SEMA3A: variants seen among roughly 807,000 people sequenced by gnomAD.
The protein encoded by SEMA3A is semaphorin 3A, also known as semaphorin-3A.
In SEMA3A, 29 loss-of-function variants were observed where a neutral mutation model predicts 97.9. The observed-to-expected ratio is 0.30, with a 90% CI of 0.22 to 0.40. SEMA3A has a LOEUF of 0.40. Among genes scored for constraint, SEMA3A ranks in the 10% least tolerant of loss-of-function variants. The pLI, the probability that SEMA3A is intolerant of heterozygous loss-of-function variation, is 1.00. For missense variants in SEMA3A, 763 were observed against 951.3 expected, an observed-to-expected ratio of 0.80 and a Z score of 2.60; for synonymous variants, 321 against 323.7, an observed-to-expected ratio of 0.99 and a Z score of 0.09.
rs190064541 is a variant in SEMA3A, at chr7:83,995,613, G to A, written c.1452+6342C>T. Among the ~76,000 whole-genome samples the A allele has an allele frequency of 2.9e-4, 44 of 152,268 alleles. 1 individual carries two copies. The highest frequency in any genetic ancestry group is 2.4e-3 in the Admixed American group (37 of 15,298). ...GGGATTTTTTTCTGAGAAATAGCAGGTAGTGAATATGACTTCCATTTAAAA... is the reference window on the plus strand; with the variant it reads ...GGGATTTTTTTCTGAGAAATAGCAGATAGTGAATATGACTTCCATTTAAAA... On this transcript the variant is annotated intron_variant, in intron 12 of 16. Transcript: ENST00000265362.
intron 4 of SEMA3A, among the ~76,000 whole-genome samples, chr7:84,064,997 A>G (rs1793421334): frequency 6.6e-6 from 1 of 152,222 alleles, no homozygotes; most frequent in Non-Finnish European, 1.5e-5. Flanking sequence ...CACCTATTCC[A>G]AAATTGACCA....
intron 4 of SEMA3A, among the ~76,000 whole-genome samples, chr7:84,095,358 C>CACACACATATATATAT (rs1211794166): frequency 3.7e-4 from 45 of 122,884 alleles, no homozygotes; most frequent in African/African-American, 1.5e-3. Flanking sequence ...TTTTTATATA[C>CACACACATATATATAT]ATATATATAT....
intron 5 of SEMA3A, among the ~76,000 whole-genome samples, chr7:84,053,734 T>C (rs554037882): frequency 2.0e-5 from 3 of 149,950 alleles, no homozygotes; most frequent in South Asian, 4.3e-4. Flanking sequence ...TATTGTTATG[T>C]GTGAATTTGA....
chr7:83,987,548 A>G (rs1421754022), intron 12 of SEMA3A, among the ~76,000 whole-genome samples: 1 of 152,166 alleles, frequency 6.6e-6, no homozygotes, highest in South Asian at 2.1e-4. Context: ...GTGTCTTTCC[A>G]ATTGCCTCTC....
At chr7:84,217,507 T>C (rs1287395835) in intron 3 of SEMA3A, among the ~76,000 whole-genome samples, 1 of 152,188 alleles carries the variant, frequency 6.6e-6, no homozygotes, top group African/African-American at 2.4e-5. Flanking sequence ...TATGGCTTAC[T>C]AAATCTACCA....
At position 84,429,516 on chromosome 7, in the gene SEMA3A, T is replaced by TTTTATATATATATATATATATATATA. The variant is rs1554385260; in HGVS notation, c.-245-57617_-245-57616insTATATATATATATATATATATATAAA. 1.5e-3 allele frequency among the ~76,000 whole-genome samples: 105 copies of TTTTATATATATATATATATATATATA among 72,362 alleles called. 10 individuals carry two copies. Among genetic ancestry groups the TTTTATATATATATATATATATATATA allele is most frequent in the African/African-American group, 4.8e-3 (68 of 14,108 alleles). 47.5% of individuals were successfully genotyped at this position (72,362 alleles called of 152,430 possible). Reference sequence around the variant, plus strand: ...TTGCATTAGTAAAATATAGAGTTTGTTATATATATATATATATATATATAT... The same window carrying TTTTATATATATATATATATATATATA: ...TTGCATTAGTAAAATATAGAGTTTGTTTTATATATATATATATATATATATATATATATATATATATATATATATAT... On this transcript the variant is annotated intron_variant, in intron 1 of 3. Coordinates refer to the SEMA3A transcript ENST00000424555.
At chr7:84,444,348 C>G (rs998302786) in intron 1 of SEMA3A, among the ~76,000 whole-genome samples, 1 of 151,888 alleles carries the variant, frequency 6.6e-6, no homozygotes, top group East Asian at 1.9e-4. Context: ...AATGTGTCAC[C>G]CATTGAGTGA....
At chr7:84,463,099 G>A (rs1805893872) in intron 1 of SEMA3A, among the ~76,000 whole-genome samples, 1 of 151,964 alleles carries the variant, frequency 6.6e-6, no homozygotes, top group African/African-American at 2.4e-5. Flanking sequence ...TACTGAATCA[G>A]CAGTTCAACT....
At chr7:84,326,769 T>C (rs1221767539) in intron 2 of SEMA3A, among the ~76,000 whole-genome samples, 1 of 152,068 alleles carries the variant, frequency 6.6e-6, no homozygotes, top group Non-Finnish European at 1.5e-5. Context: ...ACTAGCCATA[T>C]GCAGTAGACT....
chr7:84,220,609 T>G (rs1167613334), intron 3 of SEMA3A, among the ~76,000 whole-genome samples: 1 of 152,182 alleles, frequency 6.6e-6, no homozygotes, highest in Non-Finnish European at 1.5e-5. Context: ...AAATGTCATA[T>G]TATGAGGCAT....
At chr7:84,052,434 T>C (rs1792720436) in intron 5 of SEMA3A, among the ~76,000 whole-genome samples, 1 of 152,220 alleles carries the variant, frequency 6.6e-6, no homozygotes, top group Non-Finnish European at 1.5e-5. Flanking sequence ...CCTGGTTTAG[T>C]CTTGGGAGAG....
At chr7:84,328,521 A>G (rs1221727381) in intron 2 of SEMA3A, among the ~76,000 whole-genome samples, 1 of 152,002 alleles carries the variant, frequency 6.6e-6, no homozygotes, top group East Asian at 1.9e-4. Context: ...GAAAAACGCA[A>G]TGTTGCTTGT....
At chr7:84,051,218 T>G (rs2115618569) in intron 5 of SEMA3A, among the ~76,000 whole-genome samples, 1 of 151,412 alleles carries the variant, frequency 6.6e-6, no homozygotes, top group South Asian at 2.1e-4. Context: ...CATATGAACT[T>G]TAAAGTAGTT....
chr7:84,408,435 A>T (rs1206379429), intron 1 of SEMA3A, among the ~76,000 whole-genome samples: 2 of 151,230 alleles, frequency 1.3e-5, no homozygotes, highest in Admixed American at 6.6e-5. Context: ...ACACTTTTAC[A>T]CTGTTGGTGG....
Position 84,251,449 on chromosome 7 carries a change from T to G in SEMA3A, c.-83+55758A>C, listed in dbSNP as rs569699498. Among the ~76,000 whole-genome samples, 3 of 152,242 alleles carry G rather than the reference T, an allele frequency of 2.0e-5. No homozygotes were observed. The South Asian group carries it at 6.2e-4, about 32-fold the overall frequency. ...AGTACACATGGTCAGAAGAACTAAC[T>G]CCAGCATAAGCAGCAGGTTCTCATT... is the stretch of plus-strand genomic sequence containing the variant. On this transcript the variant is annotated intron_variant, in intron 3 of 3. Transcript: ENST00000424555.
intron 3 of SEMA3A, among the ~76,000 whole-genome samples, chr7:84,280,669 A>G (rs2115740962): frequency 6.6e-6 from 1 of 152,158 alleles, no homozygotes; most frequent in African/African-American, 2.4e-5. Flanking sequence ...CTGTAATCCT[A>G]GGTACAGGGG....
intron 2 of SEMA3A, among the ~76,000 whole-genome samples, chr7:84,313,810 C>A (rs965622637): frequency 2.0e-5 from 3 of 151,852 alleles, no homozygotes; most frequent in Non-Finnish European, 4.4e-5. Context: ...TCTGTGAAAA[C>A]AAAAATATTG....
intron 1 of SEMA3A, among the ~76,000 whole-genome samples, chr7:84,389,014 A>G (rs1803473148): frequency 6.6e-6 from 1 of 152,080 alleles, no homozygotes; most frequent in African/African-American, 2.4e-5. Flanking sequence ...GGAACAAATT[A>G]CCATAAGCAA....
chr7:84,060,422 A>G (rs1318353879), intron 5 of SEMA3A, 43 bp downstream of exon 5: 1 of 1,246,834 alleles, frequency 8.0e-7, no homozygotes, highest in South Asian at 1.4e-5. Context: ...CCTGTTTGTT[A>G]TTTATAGAAA....
Sources: allele counts gnomAD v4.1 joint callset (sites outside exome capture counted in the v4.1 genomes callset), GRCh38; gene constraint gnomAD v4.1.1; transcripts MANE v1.5; gene names NCBI Gene and HGNC (gene_info 2026-07-23, HGNC 2026-07-21).